Variants in ANKS1B observed in about 807,000 individuals in gnomAD.
The protein encoded by ANKS1B is ankyrin repeat and sterile alpha motif domain-containing protein 1B.
In ANKS1B, 36 loss-of-function variants were observed where a neutral mutation model predicts 148.3. The observed-to-expected ratio is 0.24, with a 90% CI of 0.19 to 0.32. ANKS1B has a LOEUF of 0.32. ANKS1B is among the 10% of genes least tolerant of loss of function. ANKS1B has a pLI of 1.00. For synonymous variants in ANKS1B, 542 were observed against 560.8 expected (o/e 0.97, Z 0.47); for missense variants, 1,157 against 1,542.6 (o/e 0.75, Z 4.19).
chr12:98,951,570 T>A (rs943284702), intron 17 of ANKS1B, among the ~76,000 whole-genome samples: 2 of 152,160 alleles, frequency 1.3e-5, no homozygotes, highest in Non-Finnish European at 2.9e-5. Context: ...TAGCCTGGCA[T>A]CTGTGCCCTT....
chr12:99,387,603 A>AAAGAAG (rs371936700), intron 12 of ANKS1B, among the ~76,000 whole-genome samples: 13 of 151,148 alleles, frequency 8.6e-5, no homozygotes, highest in African/African-American at 2.9e-4. Context: ...CTCAAAAAAA[A>AAAGAAG]AAGAAGAAGA....
intron 16 of ANKS1B, among the ~76,000 whole-genome samples, chr12:99,059,506 G>C (rs1468357929): frequency 2.6e-5 from 4 of 151,978 alleles, no homozygotes; most frequent in Non-Finnish European, 4.4e-5. Context: ...CATATATCAA[G>C]AACCAGTTCC....
At chr12:99,634,304 C>T (rs1200724314) in intron 9 of ANKS1B, among the ~76,000 whole-genome samples, 2 of 152,014 alleles carry the variant, frequency 1.3e-5, no homozygotes, top group East Asian at 3.9e-4. Flanking sequence ...GGAAGAGAGA[C>T]CTGAGAGAGC....
At chr12:98,802,594 C>CCTTTTTTT (rs2099013291) in intron 20 of ANKS1B, among the ~76,000 whole-genome samples, 1 of 34,758 alleles carries the variant, frequency 2.9e-5, no homozygotes, top group Non-Finnish European at 5.1e-5. Flanking sequence ...AATGCACAGG[C>CCTTTTTTT]TTTTTTTTTT....
chr12:99,440,587 A>G (rs1261482328), intron 11 of ANKS1B, among the ~76,000 whole-genome samples: 9 of 151,852 alleles, frequency 5.9e-5, no homozygotes, highest in Non-Finnish European at 1.2e-4. Context: ...ACTGAAAGAA[A>G]CAAAGGTGAA....
At chr12:99,558,065 C>A (rs1475863113) in intron 9 of ANKS1B, among the ~76,000 whole-genome samples, 3 of 152,176 alleles carry the variant, frequency 2.0e-5, no homozygotes, top group African/African-American at 7.2e-5. Flanking sequence ...CTGCTAGCCA[C>A]AACGCTACAA....
intron 12 of ANKS1B, among the ~76,000 whole-genome samples, chr12:99,339,221 C>A (rs1341326212): frequency 1.3e-5 from 2 of 152,170 alleles, no homozygotes; most frequent in African/African-American, 2.4e-5. Context: ...ACGGATAATT[C>A]CCCTCTGACT....
At chr12:98,828,392 TG>T (rs1426824694) in intron 19 of ANKS1B, among the ~76,000 whole-genome samples, 1 of 152,204 alleles carries the variant, frequency 6.6e-6, no homozygotes, top group Non-Finnish European at 1.5e-5. Flanking sequence ...ATCTTAGGTG[TG>T]GGAGGCAGAG....
At chr12:99,044,398 TACAAAG>T (rs1431441005) in intron 17 of ANKS1B, among the ~76,000 whole-genome samples, 10 of 149,314 alleles carry the variant, frequency 6.7e-5, no homozygotes, top group Admixed American at 6.6e-4. Context: ...CTCTCACATT[TACAAAG>T]TCCAGGAGCG....
intron 4 of ANKS1B, among the ~76,000 whole-genome samples, chr12:99,799,900 C>T (rs993559165): frequency 3.3e-5 from 5 of 152,102 alleles, no homozygotes; most frequent in Non-Finnish European, 7.4e-5. Flanking sequence ...AAAACCCTAT[C>T]AGACACTATA....
chr12:99,454,929 A>G (rs1420889523), intron 10 of ANKS1B, among the ~76,000 whole-genome samples: 1 of 152,204 alleles, frequency 6.6e-6, no homozygotes, highest in East Asian at 1.9e-4. Context: ...TATGGACTAA[A>G]TGTTAAGCAA....
intron 8 of ANKS1B, among the ~76,000 whole-genome samples, chr12:99,744,693 C>T (rs2153585421): frequency 6.6e-6 from 1 of 152,194 alleles, no homozygotes; most frequent in Admixed American, 6.5e-5. Context: ...AAAACAGTAA[C>T]TTAAAAAGAT....
At chr12:98,936,572 A>C (rs893766382) in intron 17 of ANKS1B, among the ~76,000 whole-genome samples, 6 of 152,234 alleles carry the variant, frequency 3.9e-5, no homozygotes, top group African/African-American at 1.4e-4. Context: ...GGTTGCAGTG[A>C]GCCGAGATCG....
chr12:99,309,380 C>T (rs1324531119), intron 12 of ANKS1B, among the ~76,000 whole-genome samples: 1 of 151,624 alleles, frequency 6.6e-6, no homozygotes, highest in African/African-American at 2.4e-5. Context: ...TCCCTTTAAT[C>T]TGTTGTCATT....
chr12:99,382,697 TAAAAAAAAA>T (rs398044709), intron 12 of ANKS1B, among the ~76,000 whole-genome samples: 1 of 82,246 alleles, frequency 1.2e-5, no homozygotes, highest in African/African-American at 4.7e-5. Flanking sequence ...GACTCTGTAT[TAAAAAAAAA>T]AAAAAAAAAA....
intron 14 of ANKS1B, among the ~76,000 whole-genome samples, chr12:99,240,435 G>C (rs1022190233): frequency 6.6e-6 from 1 of 152,186 alleles, no homozygotes; most frequent in African/African-American, 2.4e-5. Flanking sequence ...GACCGACAAA[G>C]AGACATAGAC....
chr12:99,850,989 AT>A (rs2087734282), intron 1 of ANKS1B, among the ~76,000 whole-genome samples: 1 of 152,118 alleles, frequency 6.6e-6, no homozygotes, highest in East Asian at 1.9e-4. Context: ...ATCTGCACTA[AT>A]GGGGGACATC....
At chr12:99,666,037 T>C (rs2098505119) in intron 8 of ANKS1B, among the ~76,000 whole-genome samples, 5 of 152,240 alleles carry the variant, frequency 3.3e-5, no homozygotes, top group African/African-American at 1.2e-4. Context: ...TTTTAATATA[T>C]AAGTAGAAGT....
chr12:98,769,605 T>C (rs1373484173), intron 25 of ANKS1B, among the ~76,000 whole-genome samples: 1 of 152,176 alleles, frequency 6.6e-6, no homozygotes, highest in Non-Finnish European at 1.5e-5. Flanking sequence ...CAGTTGACTA[T>C]TTCTTCCCCC....
Sources: allele counts gnomAD v4.1 joint callset (sites outside exome capture counted in the v4.1 genomes callset), GRCh38; gene constraint gnomAD v4.1.1; transcripts MANE v1.5; gene names NCBI Gene and HGNC (gene_info 2026-07-23, HGNC 2026-07-21).